FHOD3: variants seen among roughly 807,000 people sequenced by gnomAD.
FHOD3 encodes the protein FH1/FH2 domain-containing protein 3.
In FHOD3, 90 loss-of-function variants were observed where a neutral mutation model predicts 173.0. That is an observed-to-expected ratio of 0.52 (90% CI 0.44 to 0.62). The LOEUF is 0.62. FHOD3 is among the 20% of genes least tolerant of loss of function. FHOD3 has a pLI of 0.00. For synonymous variants in FHOD3, 828 were observed against 823.0 expected (o/e 1.01, Z -0.10); for missense variants, 1,945 against 2,034.7 (o/e 0.96, Z 0.85).
rs2035923682 is a variant in FHOD3, at chr18:36,649,710, T to C, written c.1286+305T>C. On this transcript the variant is annotated intron_variant, in intron 11 of 28. Coordinates refer to ENST00000590592, the MANE Select transcript of FHOD3 (RefSeq NM_001281740.3). ...TGCTTTAGCTCAACCAGATTGATGGTGACTAAAAAGGCTCATCTCCCCTAA... is the reference window on the plus strand; with the variant it reads ...TGCTTTAGCTCAACCAGATTGATGGCGACTAAAAAGGCTCATCTCCCCTAA... Among the ~76,000 whole-genome samples the C allele has an allele frequency of 2.0e-5, 3 of 152,320 alleles. No homozygotes were observed. In the East Asian group the frequency reaches 5.8e-4, roughly 29 times the overall value.
chr18:36,337,736 C>T (rs890362507), intron 1 of FHOD3, among the ~76,000 whole-genome samples: 5 of 152,140 alleles, frequency 3.3e-5, no homozygotes, highest in African/African-American at 4.8e-5. Flanking sequence ...AAAGTTGTGG[C>T]AGGGAGTACA....
chr18:36,642,229 C>A (rs1405504423), intron 10 of FHOD3, among the ~76,000 whole-genome samples: 6 of 152,238 alleles, frequency 3.9e-5, no homozygotes, highest in Admixed American at 3.3e-4. Flanking sequence ...GTACAACAAA[C>A]CCTTGTGATG....
intron 5 of FHOD3, among the ~76,000 whole-genome samples, chr18:36,517,593 G>T (rs1288183328): frequency 6.6e-6 from 1 of 152,160 alleles, no homozygotes; most frequent in Non-Finnish European, 1.5e-5. Flanking sequence ...GCTTTACATG[G>T]AGAAATTTAA....
chr18:36,325,572 C>T (rs1198835561), intron 1 of FHOD3, among the ~76,000 whole-genome samples: 1 of 152,194 alleles, frequency 6.6e-6, no homozygotes, highest in Non-Finnish European at 1.5e-5. Context: ...GGCCCTTTCT[C>T]TCCTTCAGAT....
chr18:36,524,689 G>A (rs2146671096), intron 5 of FHOD3, among the ~76,000 whole-genome samples: 1 of 152,238 alleles, frequency 6.6e-6, no homozygotes, highest in Admixed American at 6.5e-5. Flanking sequence ...CTTTCTATCT[G>A]TCTTTTCCCA....
At chr18:36,576,201 C>T (rs1282603952) in intron 5 of FHOD3, among the ~76,000 whole-genome samples, 1 of 152,182 alleles carries the variant, frequency 6.6e-6, no homozygotes, top group Non-Finnish European at 1.5e-5. Context: ...CACACAGAAA[C>T]AACAATCACT....
intron 2 of FHOD3, among the ~76,000 whole-genome samples, chr18:36,363,847 A>G (rs553965977): frequency 1.5e-4 from 22 of 150,006 alleles, no homozygotes; most frequent in African/African-American, 5.2e-4. Flanking sequence ...TAACAGATTA[A>G]CATCTTGCAC....
At chr18:36,756,126 G>A (rs980135711) in intron 25 of FHOD3, among the ~76,000 whole-genome samples, 1 of 152,096 alleles carries the variant, frequency 6.6e-6, no homozygotes, top group African/African-American at 2.4e-5. Context: ...GTGCCTTTAC[G>A]AAACATAAAA....
intron 14 of FHOD3, among the ~76,000 whole-genome samples, chr18:36,674,983 G>T (rs2149347556): frequency 6.6e-6 from 1 of 152,250 alleles, no homozygotes. Flanking sequence ...ATTTTTGAAT[G>T]CCAATACTAC....
At chr18:36,447,290 C>T (rs757739164) in intron 3 of FHOD3, among the ~76,000 whole-genome samples, 3 of 152,186 alleles carry the variant, frequency 2.0e-5, no homozygotes, top group Admixed American at 6.5e-5. Context: ...AGGTCAACCT[C>T]GTGTCACTGC....
chr18:36,321,218 G>A (rs2044376601), intron 1 of FHOD3, among the ~76,000 whole-genome samples: 1 of 152,184 alleles, frequency 6.6e-6, no homozygotes, highest in Non-Finnish European at 1.5e-5. Flanking sequence ...CTGCCCAGGT[G>A]CATGGTGGGA....
At chr18:36,425,154 A>G (rs1042391707) in intron 3 of FHOD3, among the ~76,000 whole-genome samples, 12 of 152,238 alleles carry the variant, frequency 7.9e-5, no homozygotes, top group Non-Finnish European at 1.6e-4. Flanking sequence ...CTGCATTCAC[A>G]TAACCGTTAT....
chr18:36,643,518 AT>A (rs1490996803), intron 10 of FHOD3, among the ~76,000 whole-genome samples: 1 of 152,142 alleles, frequency 6.6e-6, no homozygotes, highest in Non-Finnish European at 1.5e-5. Flanking sequence ...TTAATGTTTA[AT>A]TTTACAAGAT....
At chr18:36,365,975 G>C (rs541657946) in intron 2 of FHOD3, among the ~76,000 whole-genome samples, 1 of 152,208 alleles carries the variant, frequency 6.6e-6, no homozygotes, top group Admixed American at 6.5e-5. Flanking sequence ...TCACACTTTG[G>C]TTGTAGCACA....
At chr18:36,336,099 A>G (rs1231156199) in intron 1 of FHOD3, among the ~76,000 whole-genome samples, 1 of 152,180 alleles carries the variant, frequency 6.6e-6, no homozygotes, top group South Asian at 2.1e-4. Flanking sequence ...CTCTCTGTCT[A>G]AAACCAAACC....
chr18:36,746,489 C>T (rs552677211), intron 23 of FHOD3, among the ~76,000 whole-genome samples: 4 of 152,304 alleles, frequency 2.6e-5, no homozygotes, highest in East Asian at 1.9e-4. Context: ...GAGATCATCA[C>T]GAAGAGAAGC....
At chr18:36,499,620 T>C (rs1047692327) in intron 3 of FHOD3, among the ~76,000 whole-genome samples, 1 of 152,160 alleles carries the variant, frequency 6.6e-6, no homozygotes, top group Non-Finnish European at 1.5e-5. Context: ...CTGGAAGAAG[T>C]GTGATCACCC....
At chr18:36,320,690 G>A (rs546114559) in intron 1 of FHOD3, among the ~76,000 whole-genome samples, 1 of 152,158 alleles carries the variant, frequency 6.6e-6, no homozygotes, top group African/African-American at 2.4e-5. Flanking sequence ...TTTAAGACTG[G>A]GTTCCTGGTA....
At chr18:36,668,891 A>G (rs1294506782) in intron 14 of FHOD3, among the ~76,000 whole-genome samples, 1 of 152,016 alleles carries the variant, frequency 6.6e-6, no homozygotes, top group Non-Finnish European at 1.5e-5. Context: ...TATTTGTTTT[A>G]CAGCCCAGAA....
Sources: gnomAD v4.1 joint callset for allele counts (sites outside exome capture counted in the v4.1 genomes callset) on GRCh38, gnomAD v4.1.1 for gene constraint, MANE v1.5 for transcripts, NCBI Gene and HGNC (gene_info 2026-07-23, HGNC 2026-07-21) for gene names.